Variants in PPP1R36 observed in about 807,000 individuals in gnomAD.
The protein encoded by PPP1R36 is chromosome 14 open reading frame 50.
Under a neutral mutation model 53.4 loss-of-function variants are expected in PPP1R36, and 47 were observed. The ratio of observed to expected loss-of-function variants is 0.88; its 90% CI spans 0.70 to 1.12. The LOEUF (loss-of-function observed/expected upper bound fraction) is 1.12, where lower values mean the gene tolerates loss of function less well. PPP1R36 is among the 50% of genes most tolerant of loss of function. The pLI is 0.00. For missense variants in PPP1R36, 456 were observed against 513.9 expected, an observed-to-expected ratio of 0.89 and a Z score of 1.09; for synonymous variants, 153 against 170.5, an observed-to-expected ratio of 0.90 and a Z score of 0.80.
chr14:64,565,587 TCTTTGTC>T (rs757192221), intron 5 of PPP1R36, 32 bp from the exon 6 acceptor site: 1 of 1,566,670 alleles, frequency 6.4e-7, no homozygotes, highest in Non-Finnish European at 8.8e-7. Flanking sequence ...CTAAGGTAGC[TCTTTGTC>T]CCTCTCTCAA....
intron 2 of PPP1R36, chr14:64,551,502 C>A: frequency 2.7e-6 from 1 of 372,190 alleles, no homozygotes. Flanking sequence ...AAGACACTGA[C>A]TCTTACAAGT....
chr14:64,550,001 TA>T lies in PPP1R36; in HGVS notation c.5del (p.Tyr2SerfsTer13). On this transcript the variant is annotated frameshift_variant, in exon 1 of 12. Coordinates refer to ENST00000298705, the MANE Select transcript of PPP1R36 (RefSeq NM_172365.3). LOFTEE classifies it high-confidence loss of function. MYRVPEFYARRK... is the reference protein window; with the variant it reads MXRVPEFYARRK... ...GTATGGCTTCCAGGGCGAGGCCATG[TA>T]CCGGGTGCCCGAGTTTTATGCGAGG... is the stretch of plus-strand genomic sequence containing the variant. The T allele has an allele frequency of 6.4e-7, 1 of 1,569,484 alleles. No homozygotes were observed. Among genetic ancestry groups the T allele is most frequent in the South Asian group, 1.2e-5 (1 of 85,340 alleles).
Position 64,586,820 on chromosome 14 carries a change from G to T in PPP1R36, c.669-17G>T. 1 of 1,595,192 alleles carries T rather than the reference G, an allele frequency of 6.3e-7. No homozygotes were observed. Among genetic ancestry groups the T allele is most frequent in the South Asian group, 1.1e-5 (1 of 90,218 alleles). On this transcript the variant is annotated splice_polypyrimidine_tract_variant and intron_variant, in intron 8 of 11. Coordinates refer to ENST00000298705, the MANE Select transcript of PPP1R36 (RefSeq NM_172365.3). ...AACTTCCCTCTCAACCTATAGTTGT[G>T]ACTTGTTATATTACAGGGAGAAAAT...
rs1436601153 is a variant in PPP1R36, at chr14:64,564,797, G to A, written c.229G>A (p.Ala77Thr). 1 of 1,610,998 alleles carries A rather than the reference G, an allele frequency of 6.2e-7. No homozygotes were observed. Among genetic ancestry groups the A allele is most frequent in the Admixed American group, 1.7e-5 (1 of 59,250 alleles). Residue 77 changes from alanine (A) to threonine (T), a missense_variant, in exon 4 of 12, where the codon GCA (alanine) becomes ACA (threonine). Transcript: ENST00000298705. Reference protein sequence around the residue: ...EVKEKGKKGKAVHFAETDGPA... With the variant: ...EVKEKGKKGKTVHFAETDGPA... ...CAAGGAAAAAGGAAAGAAAGGCAAA[G>A]CAGTTCACTTTGCAGAAACTGATGG...
chr14:64,587,860 G>C (rs1487885459), intron 10 of PPP1R36, among the ~76,000 whole-genome samples: 1 of 152,004 alleles, frequency 6.6e-6, no homozygotes, highest in African/African-American at 2.4e-5. Context: ...CCAGGCTCAA[G>C]TGATCCTCCT....
chr14:64,585,495 T>C (rs1199014386), intron 8 of PPP1R36, among the ~76,000 whole-genome samples: 2 of 130,896 alleles, frequency 1.5e-5, no homozygotes, highest in African/African-American at 6.2e-5. Flanking sequence ...CCAGCCTGGA[T>C]GACAGAATGA....
intron 2 of PPP1R36, among the ~76,000 whole-genome samples, chr14:64,552,278 C>T (rs1332908032): frequency 6.6e-6 from 1 of 151,988 alleles, no homozygotes; most frequent in Non-Finnish European, 1.5e-5. Flanking sequence ...CACCTGAGGT[C>T]GGGAGTTTGA....
At chr14:64,561,898 C>T in intron 3 of PPP1R36, 2 of 451,810 alleles carry the variant, frequency 4.4e-6, no homozygotes, top group Non-Finnish European at 8.9e-6. Context: ...TTCGTCATGG[C>T]CTGAGAGAAG....
At position 64,588,280 on chromosome 14, in the gene PPP1R36, CTG is replaced by C. The variant is rs1240275376; in HGVS notation, c.1070_1071del (p.Val357AlafsTer24). The C allele has an allele frequency of 6.2e-7, 1 of 1,609,824 alleles. No individual in the cohort carries two copies. Among genetic ancestry groups the C allele is most frequent in the Non-Finnish European group, 8.5e-7 (1 of 1,177,140 alleles). On this transcript the variant is annotated frameshift_variant, in exon 11 of 12. Transcript: ENST00000298705. LOFTEE classifies it low-confidence loss of function (END_TRUNC). ...CAAAAGCATGTGGGAACTCTGGACT[CTG>C]TGCCCATGCCGGTGTAAGTGGCTTG...
intron 1 of PPP1R36, among the ~76,000 whole-genome samples, chr14:64,550,460 T>G (rs2080085430): frequency 6.6e-6 from 1 of 152,218 alleles, no homozygotes; most frequent in Non-Finnish European, 1.5e-5. Flanking sequence ...AAGGGCAGGC[T>G]CAGTGTTGGA....
intron 3 of PPP1R36, among the ~76,000 whole-genome samples, chr14:64,563,505 T>C (rs549459843): frequency 3.3e-5 from 5 of 151,864 alleles, no homozygotes; most frequent in Admixed American, 1.3e-4. Flanking sequence ...AAAAAATCAT[T>C]CCCTTGAGGT....
intron 10 of PPP1R36, 76 bp downstream of exon 10, chr14:64,587,448 C>CCTTTTTTTTTTTTTTTTTTTTTTT (rs2080444003): frequency 9.6e-6 from 1 of 104,682 alleles, no homozygotes; most frequent in African/African-American, 7.1e-5. Flanking sequence ...CTTTTTTCTC[C>CCTTTTTTTTTTTTTTTTTTTTTTT]TTTTTTTTTT....
At position 64,562,578 on chromosome 14, in the gene PPP1R36, G is replaced by A. The variant is rs548950818; in HGVS notation, c.183-2173G>A. 2.6e-5 allele frequency among the ~76,000 whole-genome samples: 4 copies of A among 152,286 alleles called. No individual in the cohort carries two copies. In the South Asian group the frequency reaches 8.3e-4, roughly 32 times the overall value. Reference sequence around the variant, plus strand: ...TCACAAAGTGGAACCTGTCTTACCAGCCAAGCTAGAGAATGACTTCAGTGA... The same window carrying A: ...TCACAAAGTGGAACCTGTCTTACCAACCAAGCTAGAGAATGACTTCAGTGA... On this transcript the variant is annotated intron_variant, in intron 3 of 11. Coordinates refer to ENST00000298705, the MANE Select transcript of PPP1R36 (RefSeq NM_172365.3).
chr14:64,558,737 G>A (rs188758760), intron 3 of PPP1R36, among the ~76,000 whole-genome samples: 42 of 151,982 alleles, frequency 2.8e-4, no homozygotes, highest in African/African-American at 9.6e-4. Context: ...CTGGGTTCAA[G>A]GGGTTCTCTT....
At chr14:64,557,880 G>T (rs1362356473) in intron 3 of PPP1R36, among the ~76,000 whole-genome samples, 1 of 152,162 alleles carries the variant, frequency 6.6e-6, no homozygotes, top group Non-Finnish European at 1.5e-5. Flanking sequence ...GCAGTGGCAG[G>T]CGCCTGTAAT....
chr14:64,556,127 A>AT (rs35877479), intron 3 of PPP1R36, among the ~76,000 whole-genome samples: 96,200 of 125,394 alleles, frequency 0.77, 37,128 homozygotes, highest in East Asian at 0.82. Flanking sequence ...TTGTAGATTG[A>AT]TTTTTTTTTT....
chr14:64,583,537 G>T (rs766661071), intron 8 of PPP1R36, among the ~76,000 whole-genome samples: 99 of 152,188 alleles, frequency 6.5e-4, no homozygotes, highest in Admixed American at 1.4e-3. Flanking sequence ...GAGTTAGGCC[G>T]GGCGCTGTGG....
chr14:64,586,518 C>T (rs529641004), intron 8 of PPP1R36: 77 of 229,810 alleles, frequency 3.4e-4, no homozygotes, highest in African/African-American at 1.5e-3. Flanking sequence ...TTCCTCTTTA[C>T]CACCTTTCCA....
chr14:64,585,372 T>C (rs1596749619), intron 8 of PPP1R36, among the ~76,000 whole-genome samples: 1 of 152,016 alleles, frequency 6.6e-6, no homozygotes, highest in East Asian at 1.9e-4. Flanking sequence ...AAAAATTAGC[T>C]GGTCATGTTG....
Sources: gnomAD v4.1 joint callset for allele counts (sites outside exome capture counted in the v4.1 genomes callset) on GRCh38, gnomAD v4.1.1 for gene constraint, MANE v1.5 for transcripts, NCBI Gene and HGNC (gene_info 2026-07-23, HGNC 2026-07-21) for gene names.